Variants in SGCB observed in about 807,000 individuals in gnomAD.
SGCB encodes sarcoglycan beta.
In SGCB, 25 loss-of-function variants were observed where a neutral mutation model predicts 27.3. That is an observed-to-expected ratio of 0.92 (90% confidence interval 0.67 to 1.28). SGCB has a LOEUF of 1.28. Among genes scored for constraint, SGCB ranks in the 50% most tolerant of loss-of-function variants. The pLI is 0.00. For synonymous variants in SGCB, 147 were observed against 133.5 expected, an observed-to-expected ratio of 1.10 and a Z score of -0.70; for missense variants, 436 against 402.1, an observed-to-expected ratio of 1.08 and a Z score of -0.72.
At chr4:52,031,400 G>GTGTATA (rs1378314029) in intron 2 of SGCB, among the ~76,000 whole-genome samples, 2 of 42,384 alleles carry the variant, frequency 4.7e-5, no homozygotes, top group East Asian at 1.0e-3. Flanking sequence ...CTCTGTGTGT[G>GTGTATA]TGTGTATGTG....
At position 52,028,865 on chromosome 4, in the gene SGCB, A is replaced by G. The variant is rs776874753; in HGVS notation, c.486T>C (p.Ile162=). 6.2e-7 allele frequency: 1 copy of G among 1,614,008 alleles called. No homozygotes were observed. The highest frequency in any genetic ancestry group is 1.7e-5 in the Admixed American group (1 of 60,030). The change falls in exon 4 of 6, where the codon ATT becomes ATC. Residue 162 remains isoleucine, a synonymous_variant. Transcript: ENST00000381431. ...AAAACTGCATGCCGATGTCACTTGT[A>G]ATAGAAGTTTTGTTGTTTTCTACAC... ...KLSVENNKTS[I]TSDIGMQFFD...
At position 52,029,859 on chromosome 4, in the gene SGCB, G is replaced by A. The variant is rs993349564; in HGVS notation, c.248C>T (p.Thr83Ile). 2.5e-6 allele frequency: 4 copies of A among 1,612,688 alleles called. No individual in the cohort carries two copies. The highest frequency in any genetic ancestry group is 1.3e-5 in the African/African-American group (1 of 74,954). ...GCGAATCACGGCCCAAATAACAAGT[G>A]TTATCTGAAAAAGAACACAAGTCCA... Reference protein sequence around the residue: ...FILAVINLIITLVIWAVIRIG... With the variant: ...FILAVINLIIILVIWAVIRIG... Residue 83 changes from threonine (T) to isoleucine (I), a missense_variant, in exon 3 of 6, where the codon ACA (threonine) becomes ATA (isoleucine). Physicochemically the swap from Thr to Ile is moderately conservative, Grantham distance 89. Coordinates refer to ENST00000381431, the MANE Select transcript of SGCB (RefSeq NM_000232.5).
At chr4:52,024,202 G>A (rs1737028146) in intron 5 of SGCB, 42 bp from the exon 6 acceptor site, 1 of 1,491,734 alleles carries the variant, frequency 6.7e-7, no homozygotes, top group East Asian at 2.3e-5. Context: ...CCTCCATGAG[G>A]GGGTACAGAA....
intron 5 of SGCB, among the ~76,000 whole-genome samples, chr4:52,027,112 A>C (rs1038013670): frequency 1.3e-5 from 2 of 152,220 alleles, no homozygotes; most frequent in African/African-American, 4.8e-5. Flanking sequence ...ATGAAATTGA[A>C]ATTTTTTTTA....
intron 2 of SGCB, among the ~76,000 whole-genome samples, chr4:52,031,484 TTTAA>T (rs1324912695): frequency 6.1e-5 from 7 of 114,888 alleles, no homozygotes; most frequent in Admixed American, 5.6e-4. Flanking sequence ...AATTGTTCCT[TTTAA>T]TTTTTTTTTT....
At position 52,027,970 on chromosome 4, in the gene SGCB, C is replaced by T. The variant is rs1737145030; in HGVS notation, c.751G>A (p.Ala251Thr). 6.8e-6 allele frequency: 11 copies of T among 1,613,622 alleles called. No homozygotes were observed. Among genetic ancestry groups the T allele is most frequent in the Non-Finnish European group, 9.3e-6 (11 of 1,179,728 alleles). Residue 251 changes from alanine (A) to threonine (T), a missense_variant and splice_region_variant, in exon 5 of 6, where the codon GCG (alanine) becomes ACG (threonine). Physicochemically the swap from Ala to Thr is moderately conservative, Grantham distance 58. Transcript: ENST00000381431. Reference protein sequence around the residue: ...FHMGGNMELKAENSIILNGSV... With the variant: ...FHMGGNMELKTENSIILNGSV... ...TAAGCTCTTAAAAGAATACTCACCGCCTTTAACTCCATATTACCACCCATG... is the reference window on the plus strand; with the variant it reads ...TAAGCTCTTAAAAGAATACTCACCGTCTTTAACTCCATATTACCACCCATG...
chr4:52,027,196 C>T (rs1009516852), intron 5 of SGCB, among the ~76,000 whole-genome samples: 12 of 152,100 alleles, frequency 7.9e-5, no homozygotes, highest in South Asian at 4.2e-4. Flanking sequence ...AAATTTAATT[C>T]GCTTTAATTA....
intron 2 of SGCB, chr4:52,031,833 G>A (rs1161695769): frequency 4.4e-6 from 2 of 450,834 alleles, no homozygotes; most frequent in Non-Finnish European, 8.9e-6. Context: ...ACTGACAGGT[G>A]TCACAAGAGG....
intron 2 of SGCB, among the ~76,000 whole-genome samples, chr4:52,031,406 A>ATATGTG (rs746383683): frequency 2.1e-5 from 3 of 142,730 alleles, no homozygotes; most frequent in Non-Finnish European, 3.0e-5. Flanking sequence ...GTGTGTGTGT[A>ATATGTG]TGTGTGTGTG....
chr4:52,022,920 G>C lies in SGCB; in HGVS notation c.*1037C>G, dbSNP rs969887317. On this transcript the variant is annotated 3_prime_UTR_variant, in exon 6 of 6. Coordinates refer to ENST00000381431, the MANE Select transcript of SGCB (RefSeq NM_000232.5). ...GATTGGTCCTTTCTGGGTCTGACAT[G>C]AGATTTATTTTCTTTTTAACTAGAG... is the stretch of plus-strand genomic sequence containing the variant. 1 of 152,198 alleles carries C rather than the reference G, an allele frequency of 6.6e-6. No individual in the cohort carries two copies. The highest frequency in any genetic ancestry group is 2.4e-5 in the African/African-American group (1 of 41,450). 9.4% of individuals were successfully genotyped at this position (152,198 alleles called of 1,614,324 possible).
chr4:52,037,476 G>A (rs1269561759), intron 1 of SGCB, among the ~76,000 whole-genome samples: 2 of 152,106 alleles, frequency 1.3e-5, no homozygotes, highest in African/African-American at 4.8e-5. Context: ...AAGTAAGTTA[G>A]GTAAGGGGGA....
intron 2 of SGCB, 46 bp from the exon 3 acceptor site, chr4:52,029,909 A>C (rs1321324835): frequency 7.2e-7 from 1 of 1,395,114 alleles, no homozygotes; most frequent in Non-Finnish European, 1.0e-6. Context: ...CATACATTTA[A>C]TGTAATTGGA....
At position 52,038,269 on chromosome 4, in the gene SGCB, C is replaced by G; in HGVS notation, c.-10G>C. 1.5e-6 allele frequency: 2 copies of G among 1,294,136 alleles called. No individual in the cohort carries two copies. The highest frequency in any genetic ancestry group is 2.0e-6 in the Non-Finnish European group (2 of 1,018,926). 80.2% of individuals were successfully genotyped at this position (1,294,136 alleles called of 1,614,324 possible). A position where few individuals can be genotyped will look rare whatever the true frequency, so the allele number is the denominator to read the frequency against. On this transcript the variant is annotated 5_prime_UTR_variant, in exon 1 of 6. Transcript: ENST00000381431. ...CCGCCGCTGCCGCCATCTTCCCGCGCCCGCCGCCGCCGAGCTCCCCGCCCG... is the reference window on the plus strand; with the variant it reads ...CCGCCGCTGCCGCCATCTTCCCGCGGCCGCCGCCGCCGAGCTCCCCGCCCG...
At chr4:52,027,521 TTTAA>T (rs1438897749) in intron 5 of SGCB, among the ~76,000 whole-genome samples, 1 of 151,598 alleles carries the variant, frequency 6.6e-6, no homozygotes, top group African/African-American at 2.4e-5. Context: ...GTGAAAAATC[TTTAA>T]TTAAAAACAA....
At chr4:52,029,948 T>C in intron 2 of SGCB, 85 bp from the exon 3 acceptor site, 1 of 1,009,502 alleles carries the variant, frequency 9.9e-7, no homozygotes, top group Non-Finnish European at 1.6e-6. Flanking sequence ...ATCACCAAAA[T>C]GTTAAAGACC....
chr4:52,035,368 G>A (rs1737359264), intron 1 of SGCB, among the ~76,000 whole-genome samples: 1 of 152,172 alleles, frequency 6.6e-6, no homozygotes, highest in African/African-American at 2.4e-5. Flanking sequence ...AAAATCAATA[G>A]TCTAGGCAAT....
At chr4:52,037,537 GTATGTA>G (rs1003296532) in intron 1 of SGCB, among the ~76,000 whole-genome samples, 3 of 152,152 alleles carry the variant, frequency 2.0e-5, no homozygotes, top group African/African-American at 7.2e-5. Flanking sequence ...GCGATTACGT[GTATGTA>G]TATATTAACA....
Position 52,037,062 on chromosome 4 carries a change from G to C in SGCB, c.33+1165C>G, listed in dbSNP as rs532982660. Among the ~76,000 whole-genome samples, 44 of 152,302 alleles carry C rather than the reference G, an allele frequency of 2.9e-4. 1 individual carries two copies. Among genetic ancestry groups the C allele is most frequent in the Admixed American group, 1.3e-3 (20 of 15,300 alleles). On this transcript the variant is annotated intron_variant, in intron 1 of 5. Coordinates refer to ENST00000381431, the MANE Select transcript of SGCB (RefSeq NM_000232.5). ...CCCACTTATGTGTAAAGCAAAAATA[G>C]AACCAGATGGAAAAACAATCATCTG...
At chr4:52,033,319 G>C (rs1560568752) in intron 2 of SGCB, 112 bp downstream of exon 2, 1 of 711,818 alleles carries the variant, frequency 1.4e-6, no homozygotes, top group Non-Finnish European at 2.5e-6. Flanking sequence ...TTAAAATTCA[G>C]TAAGAGACAA....
Sources: gnomAD v4.1 joint callset for allele counts (sites outside exome capture counted in the v4.1 genomes callset) on GRCh38, gnomAD v4.1.1 for gene constraint, MANE v1.5 for transcripts, NCBI Gene and HGNC (gene_info 2026-07-23, HGNC 2026-07-21) for gene names.